CTNNA3: variants seen among roughly 807,000 people sequenced by gnomAD.
CTNNA3 encodes the protein catenin alpha-3.
CTNNA3 carries 76 observed loss-of-function variants against 95.7 expected under a neutral mutation model. The observed-to-expected ratio is 0.79, with a 90% CI of 0.66 to 0.96. CTNNA3 has a LOEUF of 0.96. Among genes scored for constraint, CTNNA3 ranks in the 40% least tolerant of loss-of-function variants. The pLI is 0.00. For synonymous variants in CTNNA3, 431 were observed against 374.4 expected (o/e 1.15, Z -1.74); for missense variants, 1,191 against 1,089.8 (o/e 1.09, Z -1.31).
chr10:67,212,094 A>G (rs1303442285), intron 6 of CTNNA3, among the ~76,000 whole-genome samples: 1 of 152,106 alleles, frequency 6.6e-6, no homozygotes, highest in Non-Finnish European at 1.5e-5. Context: ...ACATTGTTGT[A>G]GCACTTATTC....
intron 9 of CTNNA3, among the ~76,000 whole-genome samples, chr10:66,750,407 T>A (rs1375527731): frequency 6.6e-6 from 1 of 152,168 alleles, no homozygotes; most frequent in Non-Finnish European, 1.5e-5. Context: ...GTGCTGGGGA[T>A]GTGTAAAGAT....
intron 12 of CTNNA3, among the ~76,000 whole-genome samples, chr10:66,363,971 A>G (rs2092694315): frequency 6.6e-6 from 1 of 152,144 alleles, no homozygotes; most frequent in African/African-American, 2.4e-5. Context: ...CAGATGACAG[A>G]ACTAAGGCTT....
intron 7 of CTNNA3, among the ~76,000 whole-genome samples, chr10:67,143,734 T>C (rs1860706643): frequency 6.6e-6 from 1 of 152,172 alleles, no homozygotes; most frequent in African/African-American, 2.4e-5. Context: ...TCTAACTCAG[T>C]TATCTTGCTA....
chr10:66,199,678 T>C (rs1480540006), intron 13 of CTNNA3, among the ~76,000 whole-genome samples: 1 of 146,800 alleles, frequency 6.8e-6, no homozygotes, highest in Non-Finnish European at 1.5e-5. Context: ...CTCGGCTCAC[T>C]GCAACCTTCG....
intron 7 of CTNNA3, among the ~76,000 whole-genome samples, chr10:67,003,468 C>G (rs188392046): frequency 6.6e-6 from 1 of 152,228 alleles, no homozygotes; most frequent in Admixed American, 6.5e-5. Context: ...GGAGAGGTTC[C>G]AAGATCGAAT....
chr10:67,474,373 G>C (rs1447647536), intron 5 of CTNNA3, among the ~76,000 whole-genome samples: 1 of 152,144 alleles, frequency 6.6e-6, no homozygotes, highest in Non-Finnish European at 1.5e-5. Flanking sequence ...TGAACACACA[G>C]AGTCACCAGG....
At chr10:66,795,810 TA>T (rs1841164146) in intron 7 of CTNNA3, among the ~76,000 whole-genome samples, 1 of 152,214 alleles carries the variant, frequency 6.6e-6, no homozygotes, top group African/African-American at 2.4e-5. Flanking sequence ...CCTTCTACAT[TA>T]GCACTTGCTG....
At chr10:67,503,844 T>C (rs986926950) in intron 5 of CTNNA3, among the ~76,000 whole-genome samples, 6 of 152,124 alleles carry the variant, frequency 3.9e-5, no homozygotes, top group African/African-American at 1.4e-4. Context: ...AAATAAACTT[T>C]TCCAAAACCG....
intron 11 of CTNNA3, among the ~76,000 whole-genome samples, chr10:66,513,793 G>C (rs144022356): frequency 2.6e-5 from 4 of 152,318 alleles, no homozygotes; most frequent in Non-Finnish European, 4.4e-5. Context: ...GCTCTTGGAA[G>C]CATGTGCTTT....
intron 11 of CTNNA3, among the ~76,000 whole-genome samples, chr10:66,519,126 T>C (rs1840965473): frequency 6.6e-6 from 1 of 152,134 alleles, no homozygotes; most frequent in African/African-American, 2.4e-5. Context: ...GAAAAATGTA[T>C]ATATAATTTA....
Position 66,822,277 on chromosome 10 carries a change from C to G in CTNNA3, c.1048-46753G>C, listed in dbSNP as rs553495285. Among the ~76,000 whole-genome samples, 9 of 152,058 alleles carry G rather than the reference C, an allele frequency of 5.9e-5. No homozygotes were observed. In the South Asian group the frequency reaches 8.3e-4, roughly 14 times the overall value. On this transcript the variant is annotated intron_variant, in intron 7 of 17. Transcript: ENST00000433211. ...ATATATAAGATGTCATTTCCTTGTT[C>G]CATGACCACGGCAAGCATTGTTAAT... is the stretch of plus-strand genomic sequence containing the variant.
chr10:67,412,669 C>A (rs1845409741), intron 5 of CTNNA3, among the ~76,000 whole-genome samples: 1 of 152,052 alleles, frequency 6.6e-6, no homozygotes, highest in Non-Finnish European at 1.5e-5. Context: ...TCAGAAAAAA[C>A]CTTACAAGCC....
intron 7 of CTNNA3, among the ~76,000 whole-genome samples, chr10:66,784,655 T>C (rs904968460): frequency 1.1e-4 from 16 of 152,156 alleles, no homozygotes; most frequent in Non-Finnish European, 2.1e-4. Context: ...TATAGGGCAT[T>C]CCTCATTTCT....
At chr10:65,944,584 C>T (rs2077480594) in intron 17 of CTNNA3, among the ~76,000 whole-genome samples, 1 of 152,194 alleles carries the variant, frequency 6.6e-6, no homozygotes, top group Non-Finnish European at 1.5e-5. Flanking sequence ...ATCCCGTGTA[C>T]ATTGTGCAGG....
chr10:67,664,919 C>T (rs1007128630), intron 1 of CTNNA3, among the ~76,000 whole-genome samples: 1 of 152,132 alleles, frequency 6.6e-6, no homozygotes, highest in Non-Finnish European at 1.5e-5. Context: ...ACAAAAACTA[C>T]AGGGAAAAAT....
chr10:66,315,458 G>A (rs1210961990), intron 12 of CTNNA3, among the ~76,000 whole-genome samples: 1 of 151,954 alleles, frequency 6.6e-6, no homozygotes. Context: ...AAAGGGCTCT[G>A]TGTTTGAACC....
intron 9 of CTNNA3, among the ~76,000 whole-genome samples, chr10:66,636,409 A>AG (rs1845339184): frequency 6.6e-6 from 1 of 152,088 alleles, no homozygotes; most frequent in African/African-American, 2.4e-5. Flanking sequence ...GTGTAATCTT[A>AG]GTAATTTTTT....
intron 6 of CTNNA3, among the ~76,000 whole-genome samples, chr10:67,201,943 C>T (rs1329492331): frequency 6.6e-6 from 1 of 152,130 alleles, no homozygotes; most frequent in African/African-American, 2.4e-5. Context: ...GAGACACACC[C>T]ATGAAGAGAG....
At chr10:66,321,228 A>T (rs2092180443) in intron 12 of CTNNA3, among the ~76,000 whole-genome samples, 1 of 152,052 alleles carries the variant, frequency 6.6e-6, no homozygotes, top group Non-Finnish European at 1.5e-5. Flanking sequence ...TTGAAAAAAA[A>T]TAGTTATAAC....
Sources: allele counts gnomAD v4.1 joint callset (sites outside exome capture counted in the v4.1 genomes callset), GRCh38; gene constraint gnomAD v4.1.1; transcripts MANE v1.5; gene names NCBI Gene and HGNC (gene_info 2026-07-23, HGNC 2026-07-21).